Variants in SLC24A3 observed in about 807,000 individuals in gnomAD.
SLC24A3 encodes solute carrier family 24 member 3, also known as sodium/potassium/calcium exchanger 3.
A neutral mutation model predicts 75.8 loss-of-function variants in SLC24A3; 28 were observed. The ratio of observed to expected loss-of-function variants is 0.37; its 90% CI spans 0.27 to 0.51. The LOEUF is 0.51. SLC24A3 is among the 20% of genes least tolerant of loss of function. The probability of loss-of-function intolerance (pLI) is 0.94; values close to 1 mark genes in which losing one functional copy is unlikely to be tolerated. For missense variants in SLC24A3, 663 were observed against 847.8 expected, an observed-to-expected ratio of 0.78 and a Z score of 2.71; for synonymous variants, 372 against 334.1, an observed-to-expected ratio of 1.11 and a Z score of -1.24.
intron 6 of SLC24A3, among the ~76,000 whole-genome samples, chr20:19,603,575 G>A (rs1425152007): frequency 6.6e-6 from 1 of 152,174 alleles, no homozygotes; most frequent in South Asian, 2.1e-4. Context: ...CAGGCTGGCT[G>A]TTGTCAAACC....
intron 2 of SLC24A3, among the ~76,000 whole-genome samples, chr20:19,338,157 A>G (rs1376361161): frequency 6.6e-6 from 1 of 152,220 alleles, no homozygotes; most frequent in African/African-American, 2.4e-5. Flanking sequence ...AATAGAAAGA[A>G]GCTATTAAAT....
intron 2 of SLC24A3, among the ~76,000 whole-genome samples, chr20:19,488,381 C>T (rs1277034556): frequency 6.6e-6 from 1 of 152,212 alleles, no homozygotes; most frequent in Non-Finnish European, 1.5e-5. Flanking sequence ...ATCCTTTATA[C>T]TGGAAAACAA....
intron 2 of SLC24A3, among the ~76,000 whole-genome samples, chr20:19,350,472 A>G (rs963868171): frequency 6.6e-6 from 1 of 152,214 alleles, no homozygotes; most frequent in African/African-American, 2.4e-5. Flanking sequence ...GCACATACAC[A>G]TGGTATCATT....
intron 6 of SLC24A3, among the ~76,000 whole-genome samples, chr20:19,646,853 G>GTGTC (rs371416543): frequency 1.3e-5 from 2 of 150,822 alleles, no homozygotes; most frequent in African/African-American, 4.9e-5. Flanking sequence ...GTGTGTGTGC[G>GTGTC]TGTGTGTGTG....
intron 4 of SLC24A3, among the ~76,000 whole-genome samples, chr20:19,580,747 C>G (rs1020854441): frequency 9.9e-5 from 15 of 152,162 alleles, no homozygotes; most frequent in African/African-American, 3.4e-4. Context: ...TGAAAGCTTT[C>G]CATTTTATTT....
At chr20:19,539,166 T>C (rs1256988891) in intron 3 of SLC24A3, among the ~76,000 whole-genome samples, 2 of 152,186 alleles carry the variant, frequency 1.3e-5, no homozygotes, top group South Asian at 2.1e-4. Flanking sequence ...ACAGATTACA[T>C]AGTTATATTC....
intron 1 of SLC24A3, among the ~76,000 whole-genome samples, chr20:19,231,927 C>T (rs1032567628): frequency 6.6e-6 from 1 of 152,170 alleles, no homozygotes; most frequent in Non-Finnish European, 1.5e-5. Flanking sequence ...TGTCACCCTC[C>T]CCTAGCTAGA....
At chr20:19,679,167 G>A (rs1280825944) in intron 9 of SLC24A3, among the ~76,000 whole-genome samples, 1 of 151,900 alleles carries the variant, frequency 6.6e-6, no homozygotes, top group Admixed American at 6.6e-5. Context: ...GGAGGTGGAG[G>A]TTGTAGCAAG....
rs551219217 is a variant in SLC24A3 at position 19,352,077 on chromosome 20, G to A, written c.271+70990G>A. Among the ~76,000 whole-genome samples, 5 of 149,510 alleles carry A rather than the reference G, an allele frequency of 3.3e-5. No homozygotes were observed. In the South Asian group the frequency reaches 1.1e-3, roughly 33 times the overall value. On this transcript the variant is annotated intron_variant, in intron 2 of 16. Coordinates refer to ENST00000328041, the MANE Select transcript of SLC24A3 (RefSeq NM_020689.4). ...GGCAGGGGAGGGGCTGCACAGGGAG[G>A]ATGAGGGGGTAGCAGGGCAGCTCAG...
At position 19,412,973 on chromosome 20, in the gene SLC24A3, G is replaced by T. The variant is rs995625028; in HGVS notation, c.272-102515G>T. On this transcript the variant is annotated intron_variant, in intron 2 of 16. Transcript: ENST00000328041. Reference sequence around the variant, plus strand: ...AAGTGGGAAGAGTGGCTTAAATGGGGAGGAATATCCCAACTGGTGGTTGCT... The same window carrying T: ...AAGTGGGAAGAGTGGCTTAAATGGGTAGGAATATCCCAACTGGTGGTTGCT... 2.6e-5 allele frequency among the ~76,000 whole-genome samples: 4 copies of T among 152,190 alleles called. No individual in the cohort carries two copies. In the East Asian group the frequency reaches 7.7e-4, roughly 29 times the overall value.
intron 6 of SLC24A3, among the ~76,000 whole-genome samples, chr20:19,641,848 T>C (rs2032078409): frequency 6.6e-6 from 1 of 152,176 alleles, no homozygotes; most frequent in African/African-American, 2.4e-5. Flanking sequence ...AAGAGTTTGA[T>C]TCAGAAGGTC....
intron 6 of SLC24A3, among the ~76,000 whole-genome samples, 160 bp downstream of exon 6, chr20:19,585,704 C>G (rs564454479): frequency 1.5e-4 from 23 of 152,258 alleles, no homozygotes; most frequent in African/African-American, 4.3e-4. Context: ...GAGGCTGGCC[C>G]AGCTAGAAGT....
rs114634424 is a variant in SLC24A3, at chr20:19,499,372, T to A, written c.272-16116T>A. Among the ~76,000 whole-genome samples the A allele has an allele frequency of 4.2e-3, 641 of 152,334 alleles. 5 individuals carry two copies. The highest frequency in any genetic ancestry group is 0.015 in the African/African-American group (606 of 41,574). ...ACTGGGTGCCAGCATGGTTAAGTTCTGGCAAGAGCCTTCTTCTGGGTGACG... is the reference window on the plus strand; with the variant it reads ...ACTGGGTGCCAGCATGGTTAAGTTCAGGCAAGAGCCTTCTTCTGGGTGACG... On this transcript the variant is annotated intron_variant, in intron 2 of 16. Transcript: ENST00000328041.
intron 2 of SLC24A3, among the ~76,000 whole-genome samples, chr20:19,472,621 C>T (rs892205776): frequency 2.0e-5 from 3 of 152,180 alleles, no homozygotes; most frequent in African/African-American, 7.2e-5. Context: ...TTCACCAGAC[C>T]TTCGTGGGAA....
chr20:19,673,687 T>C, intron 9 of SLC24A3, 33 bp downstream of exon 9: 4 of 1,568,790 alleles, frequency 2.5e-6, no homozygotes, highest in Non-Finnish European at 3.5e-6. Flanking sequence ...TATCCAAAAC[T>C]GTTTCTTGCA....
intron 2 of SLC24A3, among the ~76,000 whole-genome samples, chr20:19,348,128 G>A (rs1045550438): frequency 1.3e-5 from 2 of 152,198 alleles, no homozygotes; most frequent in East Asian, 3.9e-4. Flanking sequence ...TGCTCCCCGA[G>A]GATGTCTGTT....
intron 2 of SLC24A3, among the ~76,000 whole-genome samples, chr20:19,424,100 T>C (rs1441319720): frequency 6.6e-6 from 1 of 151,788 alleles, no homozygotes; most frequent in African/African-American, 2.4e-5. Context: ...CAAGTGGGGG[T>C]GGCTGGTGCA....
chr20:19,679,453 G>A (rs1276439547), intron 9 of SLC24A3, among the ~76,000 whole-genome samples: 1 of 151,618 alleles, frequency 6.6e-6, no homozygotes, highest in Non-Finnish European at 1.5e-5. Flanking sequence ...GATGGCAGCA[G>A]TACAGTCCAG....
chr20:19,343,520 A>T (rs1396361520), intron 2 of SLC24A3, among the ~76,000 whole-genome samples: 2 of 152,076 alleles, frequency 1.3e-5, no homozygotes, highest in Non-Finnish European at 2.9e-5. Context: ...ATTGTTTTGC[A>T]CCCAGTAGAA....
Sources: allele counts gnomAD v4.1 joint callset (sites outside exome capture counted in the v4.1 genomes callset), GRCh38; gene constraint gnomAD v4.1.1; transcripts MANE v1.5; gene names NCBI Gene and HGNC (gene_info 2026-07-23, HGNC 2026-07-21).